NMNAT1: variants seen among roughly 807,000 people sequenced by gnomAD.
NMNAT1 encodes nicotinamide nucleotide adenylyltransferase 1, also known as nicotinamide/nicotinic acid mononucleotide adenylyltransferase 1.
Under a neutral mutation model 16.7 loss-of-function variants are expected in NMNAT1, and 11 were observed. That is an observed-to-expected ratio of 0.66 (90% CI 0.41 to 1.09). The LOEUF (loss-of-function observed/expected upper bound fraction) is 1.09. Ranked by LOEUF, NMNAT1 falls within the 50% of genes least tolerant of loss-of-function variation. The pLI, the probability that NMNAT1 is intolerant of heterozygous loss-of-function variation, is 0.00. For synonymous variants in NMNAT1, 110 were observed against 119.8 expected (o/e 0.92, Z 0.53); for missense variants, 280 against 332.3 (o/e 0.84, Z 1.22).
intron 3 of NMNAT1, among the ~76,000 whole-genome samples, chr1:9,978,003 G>T (rs1641853082): frequency 6.6e-6 from 1 of 152,108 alleles, no homozygotes; most frequent in Non-Finnish European, 1.5e-5. Flanking sequence ...ACGGACAGTG[G>T]ACTCCAGCGT....
rs1453411724 is a variant in NMNAT1 at position 9,984,816 on chromosome 1, T to C, written c.*2115T>C. The C allele has an allele frequency of 6.6e-6, 1 of 152,192 alleles. No homozygotes were observed. Among genetic ancestry groups the C allele is most frequent in the African/African-American group, 2.4e-5 (1 of 41,456 alleles). The allele number at this position is 152,192 out of a possible 1,614,324, so 9.4% of individuals were successfully genotyped here. A position where few individuals can be genotyped will look rare whatever the true frequency, so the allele number is the denominator to read the frequency against. On this transcript the variant is annotated 3_prime_UTR_variant, in exon 5 of 5. Coordinates refer to ENST00000377205, the MANE Select transcript of NMNAT1 (RefSeq NM_022787.4). ...GAGCCTTTGTGGTAGTGTTTGCTTATGTGAACAGCAGGCCTTTCAGATAAG... is the reference window on the plus strand; with the variant it reads ...GAGCCTTTGTGGTAGTGTTTGCTTACGTGAACAGCAGGCCTTTCAGATAAG...
At chr1:9,967,327 C>T (rs1044791483) in intron 1 of NMNAT1, 1 of 154,060 alleles carries the variant, frequency 6.5e-6, no homozygotes, top group Admixed American at 6.6e-5. Flanking sequence ...GTCGAACTTA[C>T]TTGATCTCCC....
At chr1:9,965,408 A>G (rs1281204305) in intron 1 of NMNAT1, among the ~76,000 whole-genome samples, 1 of 148,276 alleles carries the variant, frequency 6.7e-6, no homozygotes, top group Non-Finnish European at 1.5e-5. Context: ...TTTTTATATT[A>G]TTGTTGTTAT....
intron 1 of NMNAT1, among the ~76,000 whole-genome samples, chr1:9,958,988 C>T (rs536806068): frequency 1.3e-5 from 2 of 152,224 alleles, no homozygotes; most frequent in Admixed American, 6.6e-5. Flanking sequence ...ATCTACCTAC[C>T]ACAACTTGCA....
chr1:9,946,355 C>T (rs929467886), intron 1 of NMNAT1, among the ~76,000 whole-genome samples: 2 of 152,112 alleles, frequency 1.3e-5, no homozygotes, highest in Non-Finnish European at 2.9e-5. Flanking sequence ...GGTAGGAAAC[C>T]ATGGGAGACA....
In NMNAT1 at chr1:9,944,951, C is replaced by T. The variant is rs115212219; in HGVS notation, c.-57+1436C>T. ...TTCAAAGAATTTCCTTTGCAAAAGT[C>T]GGCCGGGTGCAGTGGCTCATGCCTG... On this transcript the variant is annotated intron_variant, in intron 1 of 4. Transcript: ENST00000377205. 4.2e-3 allele frequency among the ~76,000 whole-genome samples: 644 copies of T among 152,248 alleles called. 7 individuals carry two copies. Among genetic ancestry groups the T allele is most frequent in the African/African-American group, 0.014 (601 of 41,556 alleles).
chr1:9,967,824 AC>A (rs1418262105), intron 1 of NMNAT1, among the ~76,000 whole-genome samples: 4 of 151,982 alleles, frequency 2.6e-5, no homozygotes, highest in African/African-American at 9.7e-5. Flanking sequence ...TACAAAAAAT[AC>A]AAAAAAACAA....
downstream of NMNAT1, among the ~76,000 whole-genome samples, chr1:9,987,049 T>A (rs1427190547): frequency 6.6e-6 from 1 of 151,584 alleles, no homozygotes; most frequent in Non-Finnish European, 1.5e-5. Flanking sequence ...ATACAAAAAA[T>A]TATACGGGCG....
intron 1 of NMNAT1, among the ~76,000 whole-genome samples, chr1:9,954,759 C>T (rs748623997): frequency 6.0e-4 from 91 of 151,182 alleles, no homozygotes; most frequent in African/African-American, 2.1e-3. Context: ...GGTGACACCC[C>T]ATCTCTACTA....
chr1:9,972,104 C>T lies in NMNAT1; in HGVS notation c.31C>T (p.Leu11Phe). The T allele has an allele frequency of 6.2e-7, 1 of 1,611,688 alleles. No individual in the cohort carries two copies. The highest frequency in any genetic ancestry group is 8.5e-7 in the Non-Finnish European group (1 of 1,177,880). The change falls in exon 2 of 5, where the codon CTC (leucine) becomes TTC (phenylalanine). Residue 11 changes from leucine (L) to phenylalanine (F), a missense_variant. Physicochemically the swap from Leu to Phe is conservative, Grantham distance 22. Coordinates refer to ENST00000377205, the MANE Select transcript of NMNAT1 (RefSeq NM_022787.4). MENSEKTEVV[L>F]LACGSFNPIT... ...AAATTCCGAGAAGACTGAAGTGGTT[C>T]TCCTTGCTTGTGGTTCATTCAATCC...
At chr1:9,985,745 C>T (rs1642037500), downstream of NMNAT1, among the ~76,000 whole-genome samples, 1 of 152,202 alleles carries the variant, frequency 6.6e-6, no homozygotes, top group African/African-American at 2.4e-5. Flanking sequence ...TCACTGCAAC[C>T]TCTGCCTCCT....
chr1:9,969,615 G>A (rs1359239849), intron 1 of NMNAT1, among the ~76,000 whole-genome samples: 2 of 152,152 alleles, frequency 1.3e-5, no homozygotes, highest in Non-Finnish European at 2.9e-5. Flanking sequence ...TCTGGGTGTG[G>A]TGGTGCATGC....
At chr1:9,956,936 T>C (rs1431606044) in intron 1 of NMNAT1, among the ~76,000 whole-genome samples, 1 of 152,036 alleles carries the variant, frequency 6.6e-6, no homozygotes, top group Non-Finnish European at 1.5e-5. Context: ...TTCACCATGT[T>C]GGTCATGCTG....
chr1:9,973,884 C>T (rs534483335), intron 2 of NMNAT1, among the ~76,000 whole-genome samples: 22 of 151,424 alleles, frequency 1.5e-4, no homozygotes, highest in African/African-American at 5.3e-4. Flanking sequence ...GTCGCCCAGG[C>T]TGGAGTGCAG....
downstream of NMNAT1, among the ~76,000 whole-genome samples, chr1:9,989,941 A>T (rs958563866): frequency 3.9e-5 from 6 of 152,274 alleles, no homozygotes; most frequent in East Asian, 1.2e-3. Flanking sequence ...CAGGTGCCCA[A>T]AAGCACTTGC....
intron 4 of NMNAT1, chr1:9,981,473 G>T: frequency 4.6e-6 from 1 of 219,374 alleles, no homozygotes; most frequent in Non-Finnish European, 9.1e-6. Flanking sequence ...CTGACCTCAT[G>T]ATCCGCCCAC....
chr1:9,975,254 A>G (rs1403600803), intron 2 of NMNAT1, among the ~76,000 whole-genome samples: 16 of 152,192 alleles, frequency 1.1e-4, no homozygotes, highest in Non-Finnish European at 1.5e-4. Flanking sequence ...TAGTCCCAGC[A>G]CTTTGGGAGG....
intron 1 of NMNAT1, among the ~76,000 whole-genome samples, chr1:9,951,605 G>T (rs1641112718): frequency 6.6e-6 from 1 of 152,024 alleles, no homozygotes; most frequent in African/African-American, 2.4e-5. Flanking sequence ...CTCCCAAGTA[G>T]CTGGGACTAC....
chr1:9,966,594 C>T (rs1053122174), intron 1 of NMNAT1, among the ~76,000 whole-genome samples: 4 of 131,940 alleles, frequency 3.0e-5, no homozygotes, highest in African/African-American at 1.1e-4. Flanking sequence ...GCCTGAGCAG[C>T]AGAGTGAGAC....
Sources: gnomAD v4.1 joint callset for allele counts (sites outside exome capture counted in the v4.1 genomes callset) on GRCh38, gnomAD v4.1.1 for gene constraint, MANE v1.5 for transcripts, NCBI Gene and HGNC (gene_info 2026-07-23, HGNC 2026-07-21) for gene names.